STOM: variants seen among roughly 807,000 people sequenced by gnomAD.
STOM encodes erythrocyte band 7 integral membrane protein.
STOM carries 25 observed loss-of-function variants against 30.6 expected under a neutral mutation model. That is an observed-to-expected ratio of 0.82 (90% CI 0.60 to 1.14). The LOEUF is 1.14. Ranked by LOEUF, STOM falls within the 50% of genes most tolerant of loss-of-function variation. STOM has a pLI of 0.00. For synonymous variants in STOM, 118 were observed against 130.8 expected (o/e 0.90, Z 0.67); for missense variants, 292 against 365.2 (o/e 0.80, Z 1.63).
chr9:121,359,093 G>A (rs761110796), intron 1 of STOM, among the ~76,000 whole-genome samples: 1 of 152,180 alleles, frequency 6.6e-6, no homozygotes, highest in Non-Finnish European at 1.5e-5. Flanking sequence ...CACTTGGAAG[G>A]CTTCTGCTGT....
At chr9:121,345,495 A>G (rs2064281274) in intron 6 of STOM, among the ~76,000 whole-genome samples, 3 of 152,220 alleles carry the variant, frequency 2.0e-5, no homozygotes, top group African/African-American at 7.2e-5. Context: ...TGTGCAATTT[A>G]TTTGTTGAAG....
Position 121,367,070 on chromosome 9 carries a change from C to T in STOM, c.61+3057G>A, listed in dbSNP as rs550504835. On this transcript the variant is annotated intron_variant, in intron 1 of 6. Coordinates refer to ENST00000286713, the MANE Select transcript of STOM (RefSeq NM_004099.6). Reference sequence around the variant, plus strand: ...CCTGGGCAACAGAGCAAGACCCGGTCTCAAAAAGAAAAAGTGTAGTTTAAT... The same window carrying T: ...CCTGGGCAACAGAGCAAGACCCGGTTTCAAAAAGAAAAAGTGTAGTTTAAT... 2.0e-5 allele frequency among the ~76,000 whole-genome samples: 3 copies of T among 152,002 alleles called. No individual in the cohort carries two copies. In the East Asian group the frequency reaches 5.8e-4, roughly 29 times the overall value.
chr9:121,366,052 G>T, intron 1 of STOM: 1 of 909,546 alleles, frequency 1.1e-6, no homozygotes, highest in Non-Finnish European at 1.3e-6. Flanking sequence ...ATGGTAGGGT[G>T]ATCTCAACCT....
chr9:121,340,331 T>A lies in STOM; in HGVS notation c.*871A>T, dbSNP rs2064234898. ...ATCTTTTTCATTAGTCTTGGCTATT[T>A]CCTCTAGTTCTGACAAGTACAGGCA... On this transcript the variant is annotated 3_prime_UTR_variant, in exon 7 of 7. Coordinates refer to ENST00000286713, the MANE Select transcript of STOM (RefSeq NM_004099.6). The A allele has an allele frequency of 2.0e-6, 2 of 985,316 alleles. No homozygotes were observed. The highest frequency in any genetic ancestry group is 1.2e-4 in the Admixed American group (2 of 16,276). The allele number at this position is 985,316 out of a possible 1,614,324, so 61.0% of individuals were successfully genotyped here. A position where few individuals can be genotyped will look rare whatever the true frequency, so the allele number is the denominator to read the frequency against.
At chr9:121,368,678 T>G (rs2064529177) in intron 1 of STOM, among the ~76,000 whole-genome samples, 1 of 152,164 alleles carries the variant, frequency 6.6e-6, no homozygotes, top group African/African-American at 2.4e-5. Context: ...CGGTGGCTCA[T>G]GCCTGTAATC....
chr9:121,356,693 A>C (rs529258816), intron 1 of STOM, among the ~76,000 whole-genome samples: 1 of 152,128 alleles, frequency 6.6e-6, no homozygotes. Flanking sequence ...CGACGAAAAG[A>C]AAGTGGAGGC....
At chr9:121,366,789 T>A (rs1344372845) in intron 1 of STOM, among the ~76,000 whole-genome samples, 1 of 152,100 alleles carries the variant, frequency 6.6e-6, no homozygotes, top group Non-Finnish European at 1.5e-5. Context: ...CAATCTCTAT[T>A]TTCAAAAGTG....
intron 3 of STOM, 23 bp from the exon 4 acceptor site, chr9:121,353,325 A>G: frequency 6.5e-7 from 1 of 1,539,870 alleles, no homozygotes. Context: ...TACACACATT[A>G]TACAGACACC....
intron 1 of STOM, among the ~76,000 whole-genome samples, chr9:121,358,189 G>A (rs1259495227): frequency 6.6e-6 from 1 of 151,928 alleles, no homozygotes; most frequent in Admixed American, 6.6e-5. Flanking sequence ...AGGCATGGTG[G>A]CTCACGCCTG....
intron 1 of STOM, among the ~76,000 whole-genome samples, chr9:121,364,893 G>T (rs997214486): frequency 6.6e-6 from 1 of 152,152 alleles, no homozygotes; most frequent in African/African-American, 2.4e-5. Context: ...TATGAAAACA[G>T]TATAGCATAA....
At chr9:121,356,603 G>A (rs1266597281) in intron 1 of STOM, among the ~76,000 whole-genome samples, 2 of 152,194 alleles carry the variant, frequency 1.3e-5, no homozygotes, top group Non-Finnish European at 2.9e-5. Context: ...TTAGGATGGA[G>A]GTGAGAAAGG....
intron 6 of STOM, among the ~76,000 whole-genome samples, chr9:121,344,882 T>C (rs2064276346): frequency 6.6e-6 from 1 of 152,288 alleles, no homozygotes; most frequent in African/African-American, 2.4e-5. Flanking sequence ...ACAAAAGATA[T>C]TACATTTCAG....
At chr9:121,342,178 T>C (rs969140516) in intron 6 of STOM, among the ~76,000 whole-genome samples, 2 of 152,170 alleles carry the variant, frequency 1.3e-5, no homozygotes, top group Admixed American at 6.5e-5. Flanking sequence ...GAGACCAGCC[T>C]GGCCAACATG....
chr9:121,341,474 A>C, intron 6 of STOM, 66 bp from the exon 7 acceptor site: 1 of 1,602,204 alleles, frequency 6.2e-7, no homozygotes, highest in South Asian at 1.1e-5. Flanking sequence ...GCACTCTTCA[A>C]CCGGGGGTAT....
At chr9:121,341,708 G>C (rs2064248442) in intron 6 of STOM, among the ~76,000 whole-genome samples, 1 of 152,206 alleles carries the variant, frequency 6.6e-6, no homozygotes, top group African/African-American at 2.4e-5. Flanking sequence ...GAGAAAGCAA[G>C]TAACTTTAAT....
chr9:121,351,882 C>A (rs2064342738), intron 4 of STOM, among the ~76,000 whole-genome samples: 1 of 152,016 alleles, frequency 6.6e-6, no homozygotes. Context: ...ATCTAAAATG[C>A]CCAACAAGCA....
Position 121,340,820 on chromosome 9 carries a change from G to A in STOM, c.*382C>T, listed in dbSNP as rs1327626971. 7.5e-6 allele frequency: 8 copies of A among 1,073,700 alleles called. No individual in the cohort carries two copies. Among genetic ancestry groups the A allele is most frequent in the South Asian group, 2.9e-5 (1 of 33,972 alleles). The allele number at this position is 1,073,700 out of a possible 1,614,324, so 66.5% of individuals were successfully genotyped here. ...CCTGGAGAAGCTGGTTGTGGTGTAAGGTCATCACTTTCTGCAAAGCATTTA... is the reference window on the plus strand; with the variant it reads ...CCTGGAGAAGCTGGTTGTGGTGTAAAGTCATCACTTTCTGCAAAGCATTTA... On this transcript the variant is annotated 3_prime_UTR_variant, in exon 7 of 7. Coordinates refer to ENST00000286713, the MANE Select transcript of STOM (RefSeq NM_004099.6).
chr9:121,359,185 G>A (rs2064426195), intron 1 of STOM, among the ~76,000 whole-genome samples: 1 of 152,172 alleles, frequency 6.6e-6, no homozygotes, highest in Non-Finnish European at 1.5e-5. Context: ...GGGCAAAATG[G>A]CAGTAAGATG....
intron 4 of STOM, among the ~76,000 whole-genome samples, chr9:121,352,456 A>G (rs1034997861): frequency 2.0e-4 from 31 of 152,310 alleles, no homozygotes; most frequent in Middle Eastern, 6.8e-3. Flanking sequence ...TGTGGATTCA[A>G]TGCCATGCTT....
Sources: gnomAD v4.1 joint callset for allele counts (sites outside exome capture counted in the v4.1 genomes callset) on GRCh38, gnomAD v4.1.1 for gene constraint, MANE v1.5 for transcripts, NCBI Gene and HGNC (gene_info 2026-07-23, HGNC 2026-07-21) for gene names.